The following PTPN21 variants were observed in gnomAD, a reference collection of about 807,000 sequenced individuals.
PTPN21 encodes protein tyrosine phosphatase non-receptor type 21.
Under a neutral mutation model 131.8 loss-of-function variants are expected in PTPN21, and 77 were observed. That is an observed-to-expected ratio of 0.58 (90% CI 0.49 to 0.71). PTPN21 has a LOEUF of 0.71. Among genes scored for constraint, PTPN21 ranks in the 30% least tolerant of loss-of-function variants. PTPN21 has a pLI of 0.00. For missense variants in PTPN21, 1,552 were observed against 1,527.1 expected (o/e 1.02, Z -0.27); for synonymous variants, 715 against 621.3 (o/e 1.15, Z -2.24).
At chr14:88,471,697 C>CTTGGTAA in intron 15 of PTPN21, among the ~76,000 whole-genome samples, 1 of 151,944 alleles carries the variant, frequency 6.6e-6, no homozygotes, top group Non-Finnish European at 1.5e-5. Flanking sequence ...ATCAAAAAGC[C>CTTGGTAA]CAGACACTTT....
chr14:88,501,526 T>C (rs1377584865), intron 6 of PTPN21, among the ~76,000 whole-genome samples, 158 bp from the exon 7 acceptor site: 1 of 152,224 alleles, frequency 6.6e-6, no homozygotes, highest in Non-Finnish European at 1.5e-5. Context: ...TGCTATTTAC[T>C]GAAAACCAGT....
At chr14:88,475,776 C>G (rs2077540552) in intron 13 of PTPN21, among the ~76,000 whole-genome samples, 1 of 152,150 alleles carries the variant, frequency 6.6e-6, no homozygotes, top group Admixed American at 6.5e-5. Context: ...TCTTGCTAGT[C>G]AATATGAACT....
intron 13 of PTPN21, among the ~76,000 whole-genome samples, chr14:88,474,110 CGT>C (rs1491219264): frequency 7.6e-5 from 5 of 65,488 alleles, no homozygotes; most frequent in Non-Finnish European, 1.2e-4. Flanking sequence ...ACAAGACAGA[CGT>C]AACAAATCAG....
chr14:88,549,162 G>A (rs932472873), intron 2 of PTPN21, among the ~76,000 whole-genome samples: 1 of 152,182 alleles, frequency 6.6e-6, no homozygotes, highest in Non-Finnish European at 1.5e-5. Flanking sequence ...TCAAGAGCCG[G>A]ACATGGTGGC....
rs1172099704 is a variant in PTPN21, at chr14:88,518,226, C to CAAAAAA, written c.181-971_181-966dup. On this transcript the variant is annotated intron_variant, in intron 2 of 18. Transcript: ENST00000556564. ...TGGGCAACAGAGTGAGAATCTACCT[C>CAAAAAA]AAAAAAAAAAAAAAAAAAAAAAAAA... 2.7e-4 allele frequency among the ~76,000 whole-genome samples: 3 copies of CAAAAAA among 11,068 alleles called. 1 individual carries two copies. Among genetic ancestry groups the CAAAAAA allele is most frequent in the African/African-American group, 7.1e-4 (2 of 2,812 alleles). 7.3% of individuals were successfully genotyped at this position (11,068 alleles called of 152,430 possible).
Position 88,504,494 on chromosome 14 carries a change from C to A in PTPN21, c.518G>T (p.Gly173Val), listed in dbSNP as rs2078058494. ...FLQKFALFPV[G>V]WLQDEKVLEE... is the part of the protein sequence containing the mutation. ...CAATACTTTTTCATCTTGTAACCAT[C>A]CCTGAAGAAAACACACAGTGGTAAG... Residue 173 changes from glycine (G) to valine (V), a missense_variant and splice_region_variant, in exon 6 of 19, where the codon GGA becomes GTA. Physicochemically the swap from Gly to Val is moderately radical, Grantham distance 109. This residue lies in a region of PTPN21 where 206 missense variants were observed against 221.6 expected (regional missense o/e 0.93). Transcript: ENST00000556564. The A allele has an allele frequency of 6.2e-7, 1 of 1,612,150 alleles. No homozygotes were observed. Among genetic ancestry groups the A allele is most frequent in the Non-Finnish European group, 8.5e-7 (1 of 1,178,334 alleles).
chr14:88,468,257 G>C lies in PTPN21; in HGVS notation c.3405C>G (p.Asp1135Glu), dbSNP rs977307526. Residue 1135 changes from aspartate (D) to glutamate (E), a missense_variant, in exon 19 of 19, where the codon GAC becomes GAG. Physicochemically the swap from Asp to Glu is conservative, Grantham distance 45. Around this residue, in one of 4 missense-constraint regions of PTPN21, gnomAD observed 316 missense variants for 378.5 expected, o/e 0.83. Transcript: ENST00000556564. Reference protein sequence around the residue: ...IACLEHNEVLDIPRVLDMLRQ... With the variant: ...IACLEHNEVLEIPRVLDMLRQ... ...TCAGCATGTCCAGCACTCTCGGGAT[G>C]TCCAGCACCTAGGTTGAGAGAAACG... The C allele has an allele frequency of 2.5e-6, 4 of 1,600,102 alleles. No individual in the cohort carries two copies. The highest frequency in any genetic ancestry group is 1.3e-5 in the African/African-American group (1 of 74,134).
At chr14:88,511,620 G>A (rs900481495) in intron 3 of PTPN21, among the ~76,000 whole-genome samples, 2 of 152,150 alleles carry the variant, frequency 1.3e-5, no homozygotes, top group African/African-American at 4.8e-5. Flanking sequence ...AGTGAGCCAA[G>A]ATAGCGCCAC....
intron 3 of PTPN21, among the ~76,000 whole-genome samples, chr14:88,512,012 C>T (rs2078192481): frequency 6.6e-6 from 1 of 151,782 alleles, no homozygotes; most frequent in African/African-American, 2.4e-5. Flanking sequence ...AATGTGTAGG[C>T]ATCGGCATTT....
intron 2 of PTPN21, among the ~76,000 whole-genome samples, chr14:88,525,924 T>C (rs1245850308): frequency 6.6e-6 from 1 of 152,208 alleles, no homozygotes; most frequent in Non-Finnish European, 1.5e-5. Context: ...AAAAATATTA[T>C]GCTAAGCAAA....
intron 2 of PTPN21, among the ~76,000 whole-genome samples, chr14:88,538,157 T>A (rs2078655993): frequency 6.6e-6 from 1 of 152,188 alleles, no homozygotes; most frequent in Non-Finnish European, 1.5e-5. Flanking sequence ...GGTTGTTTAG[T>A]TTACGACCCA....
intron 10 of PTPN21, chr14:88,493,285 G>A (rs1168068641): frequency 8.9e-6 from 3 of 335,552 alleles, no homozygotes; most frequent in Non-Finnish European, 1.7e-5. Flanking sequence ...AACTTTCAGA[G>A]TGGTGTCAAG....
rs569204447 is a variant in PTPN21, at chr14:88,483,287, A to G, written c.1078+1789T>C. 4.5e-4 allele frequency among the ~76,000 whole-genome samples: 69 copies of G among 152,174 alleles called. 1 individual carries two copies. The South Asian group carries it at 0.014, about 32-fold the overall frequency. On this transcript the variant is annotated intron_variant, in intron 12 of 18. Coordinates refer to ENST00000556564, the MANE Select transcript of PTPN21 (RefSeq NM_007039.4). ...CCATTACTTAAAGGGAGGAGAATGA[A>G]CAATATTAAGATGTTTATAGACAGA...
chr14:88,508,615 A>G (rs901416036), intron 3 of PTPN21, among the ~76,000 whole-genome samples: 1 of 152,206 alleles, frequency 6.6e-6, no homozygotes, highest in African/African-American at 2.4e-5. Context: ...CAGTCCCCAC[A>G]ATTTCTTTTT....
Position 88,480,183 on chromosome 14 carries a change from C to T in PTPN21, c.1248G>A (p.Ser416=), listed in dbSNP as rs770043631. Residue 416 remains serine, a synonymous_variant, in exon 13 of 19, where the codon TCG becomes TCA. Transcript: ENST00000556564. The part of the protein sequence containing the change: ...PQPYLQPSPM[S]SNPSITGSDV... ...CACTCCCGGTGATGCTAGGGTTGGACGACATCGGCGAGGGCTGCAAGTAGG... is the reference window on the plus strand; with the variant it reads ...CACTCCCGGTGATGCTAGGGTTGGATGACATCGGCGAGGGCTGCAAGTAGG... The T allele has an allele frequency of 2.5e-6, 4 of 1,614,078 alleles. No individual in the cohort carries two copies. Among genetic ancestry groups the T allele is most frequent in the East Asian group, 4.5e-5 (2 of 44,876 alleles).
At chr14:88,530,735 A>G (rs1157327873) in intron 2 of PTPN21, among the ~76,000 whole-genome samples, 1 of 152,188 alleles carries the variant, frequency 6.6e-6, no homozygotes, top group Non-Finnish European at 1.5e-5. Flanking sequence ...ACAGGAAAAT[A>G]TTACCATCCT....
At chr14:88,477,852 G>A (rs552947288) in intron 13 of PTPN21, among the ~76,000 whole-genome samples, 40 of 152,316 alleles carry the variant, frequency 2.6e-4, no homozygotes, top group African/African-American at 7.2e-4. Context: ...CAAGGCCGCA[G>A]ATGCTTAGTC....
intron 2 of PTPN21, among the ~76,000 whole-genome samples, chr14:88,531,158 A>G (rs1197293304): frequency 6.6e-6 from 1 of 152,246 alleles, no homozygotes; most frequent in Non-Finnish European, 1.5e-5. Flanking sequence ...ATATAAATAA[A>G]TGGAAATTAA....
At chr14:88,498,732 A>G (rs967923941) in intron 8 of PTPN21, among the ~76,000 whole-genome samples, 3 of 152,226 alleles carry the variant, frequency 2.0e-5, no homozygotes, top group Non-Finnish European at 2.9e-5. Flanking sequence ...TAAATTTGAA[A>G]TGCCAGGAAC....
Sources: gnomAD v4.1 joint callset for allele counts (sites outside exome capture counted in the v4.1 genomes callset) on GRCh38, gnomAD v4.1.1 for gene constraint, gnomAD v4.1.1 regional missense constraint, MANE v1.5 for transcripts, NCBI Gene and HGNC (gene_info 2026-07-23, HGNC 2026-07-21) for gene names.